Variants in ADAM2 observed in about 807,000 individuals in gnomAD.
ADAM2 encodes disintegrin and metalloproteinase domain-containing protein 2.
ADAM2 carries 101 observed loss-of-function variants against 99.3 expected under a neutral mutation model. That is an observed-to-expected ratio of 1.02 (90% CI 0.87 to 1.20). ADAM2 has a LOEUF of 1.20. Among genes scored for constraint, ADAM2 ranks in the 50% most tolerant of loss-of-function variants. The pLI, the probability that ADAM2 is intolerant of heterozygous loss-of-function variation, is 0.00. For synonymous variants in ADAM2, 323 were observed against 287.6 expected (o/e 1.12, Z -1.25); for missense variants, 948 against 878.7 (o/e 1.08, Z -1.00).
intron 3 of ADAM2, among the ~76,000 whole-genome samples, chr8:39,827,125 T>C (rs1805441210): frequency 6.6e-6 from 1 of 152,128 alleles, no homozygotes; most frequent in South Asian, 2.1e-4. Flanking sequence ...AAGAGGTATA[T>C]GAAAAACTTC....
intron 11 of ADAM2, among the ~76,000 whole-genome samples, chr8:39,775,389 T>A (rs997851850): frequency 1.5e-4 from 23 of 152,126 alleles, no homozygotes; most frequent in African/African-American, 5.6e-4. Context: ...TCCAGTTTTA[T>A]AGCATCTAGA....
rs1802690823 is a variant in ADAM2, at chr8:39,769,426, T to A, written c.1178A>T (p.Glu393Val). The stretch of plus-strand genomic sequence containing the variant: ...CCCACAGTCACACTCCTCTCCTGCT[T>A]CCAGCTTTGCATTACCACACACTGC... The part of the protein sequence containing the change: ...QQAVCGNAKL[E>V]AGEECDCGTE... The change falls in exon 12 of 21, where the codon GAA becomes GTA. Residue 393 changes from glutamate (E) to valine (V), a missense_variant. Transcript: ENST00000265708. The A allele has an allele frequency of 6.2e-7, 1 of 1,613,942 alleles. No individual in the cohort carries two copies. The highest frequency in any genetic ancestry group is 1.3e-5 in the African/African-American group (1 of 74,922).
At chr8:39,818,356 A>G (rs1201503409) in intron 6 of ADAM2, among the ~76,000 whole-genome samples, 2 of 152,082 alleles carry the variant, frequency 1.3e-5, no homozygotes, top group African/African-American at 4.8e-5. Flanking sequence ...GAACAAAAAT[A>G]TCTGACAAAA....
At chr8:39,817,237 T>A (rs1246259857) in intron 6 of ADAM2, among the ~76,000 whole-genome samples, 1 of 152,110 alleles carries the variant, frequency 6.6e-6, no homozygotes, top group Admixed American at 6.5e-5. Context: ...TATGTAAGTG[T>A]GTGCATTAAA....
intron 16 of ADAM2, among the ~76,000 whole-genome samples, chr8:39,750,236 G>C (rs1162611791): frequency 6.6e-6 from 1 of 151,986 alleles, no homozygotes; most frequent in Non-Finnish European, 1.5e-5. Flanking sequence ...TTGAACCTTT[G>C]AGAAATCTAA....
chr8:39,766,971 A>G lies in ADAM2; in HGVS notation c.1384T>C (p.Ser462Pro), dbSNP rs572728709. Residue 462 changes from serine (S) to proline (P), a missense_variant, in exon 14 of 21, where the codon TCT becomes CCT. By Grantham distance (74) the Ser-to-Pro change is moderately conservative. Coordinates refer to ENST00000265708, the MANE Select transcript of ADAM2 (RefSeq NM_001464.5). ...TAGTGGTTTTCTGGGCATGATGCAG[A>G]TGATCCATTGCAATATTCAGGGAGG... ...CDLPEYCNGS[S>P]ASCPENHYVQ... The G allele has an allele frequency of 2.8e-5, 46 of 1,614,200 alleles. No homozygotes were observed. In the South Asian group the frequency reaches 4.5e-4, roughly 16 times the overall value.
At chr8:39,830,023 A>G (rs1234763696) in intron 3 of ADAM2, among the ~76,000 whole-genome samples, 2 of 152,178 alleles carry the variant, frequency 1.3e-5, no homozygotes, top group African/African-American at 2.4e-5. Context: ...ATTATAGCAA[A>G]TGAAAAACAG....
chr8:39,821,740 T>A lies in ADAM2; in HGVS notation c.268-78A>T, dbSNP rs11776245. 9.1e-4 allele frequency: 939 copies of A among 1,034,020 alleles called. 1 individual carries two copies. Among genetic ancestry groups the A allele is most frequent in the Non-Finnish European group, 1.2e-3 (838 of 683,030 alleles). 64.1% of individuals were successfully genotyped at this position (1,034,020 alleles called of 1,614,324 possible). On this transcript the variant is annotated intron_variant, in intron 4 of 20. Coordinates refer to ENST00000265708, the MANE Select transcript of ADAM2 (RefSeq NM_001464.5). ...AATTTTCAAATATGTAAAACATATA[T>A]GTGTTTTGTTTTTATGCATCAAACA...
chr8:39,827,338 T>C (rs559138429), intron 3 of ADAM2, among the ~76,000 whole-genome samples: 1 of 152,214 alleles, frequency 6.6e-6, no homozygotes, highest in East Asian at 1.9e-4. Context: ...TTTCTCAAAA[T>C]GTTAAAAATA....
intron 7 of ADAM2, among the ~76,000 whole-genome samples, chr8:39,809,052 A>C (rs1032314302): frequency 1.3e-5 from 2 of 151,924 alleles, no homozygotes; most frequent in Admixed American, 1.3e-4. Flanking sequence ...TCCTGTCTAC[A>C]AAAAAAATGT....
intron 5 of ADAM2, 129 bp downstream of exon 5, chr8:39,821,457 C>T (rs1805184843): frequency 1.4e-6 from 1 of 692,682 alleles, no homozygotes; most frequent in South Asian, 2.1e-5. Context: ...CCATACCATG[C>T]TTTGTGAGTG....
intron 16 of ADAM2, among the ~76,000 whole-genome samples, chr8:39,752,211 C>T (rs984295648): frequency 1.3e-5 from 2 of 152,040 alleles, no homozygotes; most frequent in Admixed American, 6.6e-5. Context: ...TCATTTGCAC[C>T]CCCTACAACA....
chr8:39,787,629 A>G (rs1803524520), intron 9 of ADAM2, among the ~76,000 whole-genome samples: 1 of 151,456 alleles, frequency 6.6e-6, no homozygotes, highest in Admixed American at 6.6e-5. Context: ...AGTCTATTAA[A>G]TAGAAAGGAA....
At chr8:39,793,901 G>T (rs1323543491) in intron 7 of ADAM2, among the ~76,000 whole-genome samples, 1 of 152,110 alleles carries the variant, frequency 6.6e-6, no homozygotes, top group Non-Finnish European at 1.5e-5. Context: ...CCTCGTCAGA[G>T]AAATAGTTTG....
At chr8:39,818,049 A>T (rs571172734) in intron 6 of ADAM2, 1 of 152,182 alleles carries the variant, frequency 6.6e-6, no homozygotes, top group South Asian at 2.1e-4. Flanking sequence ...TCCAGAATAG[A>T]GGAGACAACA....
intron 14 of ADAM2, among the ~76,000 whole-genome samples, chr8:39,765,852 T>C (rs1057242237): frequency 6.6e-6 from 1 of 152,254 alleles, no homozygotes; most frequent in Non-Finnish European, 1.5e-5. Flanking sequence ...AAATTAGAGT[T>C]AGACTTGCAA....
chr8:39,754,758 AT>A (rs1165684221), intron 16 of ADAM2, among the ~76,000 whole-genome samples: 2 of 152,214 alleles, frequency 1.3e-5, no homozygotes, highest in Admixed American at 1.3e-4. Context: ...AGGCTTTATA[AT>A]TTAAACATGA....
chr8:39,778,523 G>A (rs567024410), intron 10 of ADAM2, among the ~76,000 whole-genome samples: 1 of 152,126 alleles, frequency 6.6e-6, no homozygotes, highest in South Asian at 2.1e-4. Flanking sequence ...TCAACACTTG[G>A]TACCAATTAA....
At chr8:39,823,375 A>T (rs1408268110) in intron 4 of ADAM2, among the ~76,000 whole-genome samples, 5 of 152,202 alleles carry the variant, frequency 3.3e-5, no homozygotes, top group Admixed American at 6.5e-5. Context: ...ACTGAATTTA[A>T]TGAGCTTTTT....
Sources: gnomAD v4.1 joint callset for allele counts (sites outside exome capture counted in the v4.1 genomes callset) on GRCh38, gnomAD v4.1.1 for gene constraint, MANE v1.5 for transcripts, NCBI Gene and HGNC (gene_info 2026-07-23, HGNC 2026-07-21) for gene names.